Variants in HHAT observed in about 807,000 individuals in gnomAD.
HHAT encodes the protein hedgehog acyltransferase, also known as protein-cysteine N-palmitoyltransferase HHAT.
HHAT carries 47 observed loss-of-function variants against 70.8 expected under a neutral mutation model. The observed-to-expected ratio is 0.66, with a 90% confidence interval of 0.53 to 0.85. HHAT has a LOEUF of 0.85. Among genes scored for constraint, HHAT ranks in the 40% least tolerant of loss-of-function variants. HHAT has a pLI of 0.00. For missense variants in HHAT, 609 were observed against 604.8 expected (o/e 1.01, Z -0.07); for synonymous variants, 228 against 247.6 (o/e 0.92, Z 0.74).
At chr1:210,349,648 A>T (rs1258766771) in intron 2 of HHAT, among the ~76,000 whole-genome samples, 1 of 138,032 alleles carries the variant, frequency 7.2e-6, no homozygotes, top group African/African-American at 2.6e-5. Flanking sequence ...TGTGCTACCT[A>T]AAACTTTTTT....
rs949730466 is a variant in HHAT at position 210,328,925 on chromosome 1, C to T, written c.-223C>T. 8.8e-6 allele frequency: 9 copies of T among 1,019,296 alleles called. No homozygotes were observed. The highest frequency in any genetic ancestry group is 1.0e-5 in the Non-Finnish European group (8 of 788,500). 63.1% of individuals were successfully genotyped at this position (1,019,296 alleles called of 1,614,324 possible). A position where few individuals can be genotyped will look rare whatever the true frequency, so the allele number is the denominator to read the frequency against. On this transcript the variant is annotated 5_prime_UTR_variant, in exon 1 of 12. Coordinates refer to ENST00000261458, the MANE Select transcript of HHAT (RefSeq NM_018194.6). Reference sequence around the variant, plus strand: ...GCGGGCACGGCGGCAGGGGCGTGCTCGGAGGACGCGCGCTGCGCTGCTCCT... The same window carrying T: ...GCGGGCACGGCGGCAGGGGCGTGCTTGGAGGACGCGCGCTGCGCTGCTCCT...
chr1:210,509,146 T>A (rs556146068), intron 8 of HHAT, among the ~76,000 whole-genome samples: 64 of 152,240 alleles, frequency 4.2e-4, no homozygotes, highest in Non-Finnish European at 6.5e-4. Flanking sequence ...AATATGCAGA[T>A]TGAATATCCC....
chr1:210,441,792 ATACACG>A (rs1229657516), intron 7 of HHAT, among the ~76,000 whole-genome samples: 1 of 152,156 alleles, frequency 6.6e-6, no homozygotes, highest in African/African-American at 2.4e-5. Flanking sequence ...ATAAACAGAT[ATACACG>A]TAAACATGTG....
chr1:210,430,633 T>C (rs2148322877), intron 7 of HHAT, among the ~76,000 whole-genome samples: 1 of 152,034 alleles, frequency 6.6e-6, no homozygotes, highest in East Asian at 1.9e-4. Context: ...GCTCAACATT[T>C]TGACAAAAAA....
chr1:210,517,810 A>G (rs928583251), intron 9 of HHAT, among the ~76,000 whole-genome samples: 3 of 151,176 alleles, frequency 2.0e-5, no homozygotes, highest in Non-Finnish European at 2.9e-5. Context: ...AATATATACA[A>G]TTTTTGTCAG....
At chr1:210,482,528 CT>C (rs1165594845) in intron 8 of HHAT, among the ~76,000 whole-genome samples, 2 of 152,132 alleles carry the variant, frequency 1.3e-5, no homozygotes, top group African/African-American at 4.8e-5. Flanking sequence ...CGTATGCTTC[CT>C]TGCTAAGTTT....
At chr1:210,371,765 A>G (rs1009191835) in intron 3 of HHAT, among the ~76,000 whole-genome samples, 2 of 152,214 alleles carry the variant, frequency 1.3e-5, no homozygotes, top group Non-Finnish European at 2.9e-5. Context: ...GTTTACACAC[A>G]TGAAACAAAG....
chr1:210,438,598 C>G (rs1397085546), intron 7 of HHAT, among the ~76,000 whole-genome samples: 1 of 151,698 alleles, frequency 6.6e-6, no homozygotes, highest in East Asian at 1.9e-4. Context: ...TTGGCATGCT[C>G]TGTTCATGAT....
At chr1:210,592,022 A>G (rs1386491136) in intron 10 of HHAT, among the ~76,000 whole-genome samples, 1 of 152,026 alleles carries the variant, frequency 6.6e-6, no homozygotes, top group Non-Finnish European at 1.5e-5. Context: ...ACTGTGCAAA[A>G]AACTTTTAAC....
At chr1:210,665,597 C>G (rs1056394680) in intron 11 of HHAT, among the ~76,000 whole-genome samples, 2 of 152,214 alleles carry the variant, frequency 1.3e-5, no homozygotes, top group Non-Finnish European at 2.9e-5. Context: ...AGCTAGAAAA[C>G]TTGCCTTGGT....
At chr1:210,659,329 A>G (rs564199653) in intron 11 of HHAT, among the ~76,000 whole-genome samples, 2 of 152,220 alleles carry the variant, frequency 1.3e-5, no homozygotes, top group African/African-American at 4.8e-5. Flanking sequence ...TAAACTAGAA[A>G]ATCTAGAAGA....
chr1:210,344,446 G>C (rs2086325712), intron 1 of HHAT, among the ~76,000 whole-genome samples: 1 of 152,032 alleles, frequency 6.6e-6, no homozygotes, highest in Non-Finnish European at 1.5e-5. Context: ...TAGGTGAATT[G>C]GTGTGTCTAA....
At chr1:210,580,987 A>G (rs189149702) in intron 9 of HHAT, among the ~76,000 whole-genome samples, 3 of 152,116 alleles carry the variant, frequency 2.0e-5, no homozygotes, top group Non-Finnish European at 2.9e-5. Flanking sequence ...ATCAGCATCT[A>G]TTGTTTCCTG....
At chr1:210,646,299 A>G (rs1445211185) in intron 11 of HHAT, among the ~76,000 whole-genome samples, 1 of 152,238 alleles carries the variant, frequency 6.6e-6, no homozygotes, top group Non-Finnish European at 1.5e-5. Flanking sequence ...GACTATGCAT[A>G]TTATTATACT....
chr1:210,457,273 T>C (rs2093889101), intron 7 of HHAT, among the ~76,000 whole-genome samples: 1 of 152,106 alleles, frequency 6.6e-6, no homozygotes, highest in Admixed American at 6.5e-5. Context: ...ATATTTCCAG[T>C]ACTTACCCCA....
chr1:210,331,777 T>C (rs546110860), intron 1 of HHAT, among the ~76,000 whole-genome samples: 1 of 152,340 alleles, frequency 6.6e-6, no homozygotes, highest in East Asian at 1.9e-4. Flanking sequence ...CAGCCACTTA[T>C]CTGCCGACTT....
chr1:210,447,781 G>A (rs1157368578), intron 7 of HHAT, among the ~76,000 whole-genome samples: 1 of 152,126 alleles, frequency 6.6e-6, no homozygotes, highest in East Asian at 1.9e-4. Context: ...TTCTTATGTG[G>A]CTGACTTAGA....
At chr1:210,596,365 T>C (rs1352341346) in intron 10 of HHAT, among the ~76,000 whole-genome samples, 1 of 152,210 alleles carries the variant, frequency 6.6e-6, no homozygotes, top group Non-Finnish European at 1.5e-5. Context: ...TATCGTTCTC[T>C]AGTTTGGGGA....
intron 4 of HHAT, among the ~76,000 whole-genome samples, chr1:210,398,212 C>T (rs2091896568): frequency 6.6e-6 from 1 of 152,162 alleles, no homozygotes; most frequent in African/African-American, 2.4e-5. Context: ...CTAATATATA[C>T]AACAGTTTCG....
Sources: gnomAD v4.1 joint callset for allele counts (sites outside exome capture counted in the v4.1 genomes callset) on GRCh38, gnomAD v4.1.1 for gene constraint, MANE v1.5 for transcripts, NCBI Gene and HGNC (gene_info 2026-07-23, HGNC 2026-07-21) for gene names.